CFAP20DC: variants seen among roughly 807,000 people sequenced by gnomAD.
CFAP20DC encodes protein CFAP20DC.
In CFAP20DC, 84 loss-of-function variants were observed where a neutral mutation model predicts 101.7. That is an observed-to-expected ratio of 0.83 (90% confidence interval 0.69 to 0.99). The LOEUF is 0.99. Ranked by LOEUF, CFAP20DC falls within the 50% of genes least tolerant of loss-of-function variation. The pLI, the probability that CFAP20DC is intolerant of heterozygous loss-of-function variation, is 0.00. For synonymous variants in CFAP20DC, 359 were observed against 351.2 expected (o/e 1.02, Z -0.25); for missense variants, 1,007 against 970.3 (o/e 1.04, Z -0.50).
chr3:58,967,596 T>G (rs2091659113), intron 4 of CFAP20DC, among the ~76,000 whole-genome samples: 1 of 152,208 alleles, frequency 6.6e-6, no homozygotes, highest in Non-Finnish European at 1.5e-5. Flanking sequence ...AGGAAATTTT[T>G]ACAAATCATA....
rs1015438442 is a variant in CFAP20DC, at chr3:58,888,184, T to C, written c.551-3475A>G. Reference sequence around the variant, plus strand: ...AAATAGAATAGACCCTACATAAACATTAAATAGCGCTTCATTGTGAGTTCA... The same window carrying C: ...AAATAGAATAGACCCTACATAAACACTAAATAGCGCTTCATTGTGAGTTCA... On this transcript the variant is annotated intron_variant, in intron 6 of 16. Coordinates refer to ENST00000482387, the MANE Select transcript of CFAP20DC (RefSeq NM_001394063.1). Among the ~76,000 whole-genome samples the C allele has an allele frequency of 3.9e-5, 6 of 152,174 alleles. No homozygotes were observed. The East Asian group carries it at 1.2e-3, about 29-fold the overall frequency.
At chr3:58,822,219 A>G (rs955221522) in intron 14 of CFAP20DC, among the ~76,000 whole-genome samples, 1 of 148,820 alleles carries the variant, frequency 6.7e-6, no homozygotes, top group South Asian at 2.2e-4. Flanking sequence ...TGGGTGCAGC[A>G]CATCAGCATG....
rs779716398 is a variant in CFAP20DC at position 58,831,708 on chromosome 3, G to A, written c.2153C>T (p.Thr718Ile). 1.9e-6 allele frequency: 3 copies of A among 1,613,978 alleles called. No individual in the cohort carries two copies. The highest frequency in any genetic ancestry group is 1.3e-5 in the African/African-American group (1 of 75,046). ...CACGGGTGGCAGGCAGGAGTTCCAG[G>A]TGGTTGTGTCGTCACTGCTGGTACT... ...SISTSSDDTT[T>I]WNSCLPPPVN... Residue 718 changes from threonine (T) to isoleucine (I), a missense_variant, in exon 14 of 17, where the codon ACC becomes ATC. Transcript: ENST00000482387.
At chr3:58,963,329 T>C (rs1390084010) in intron 4 of CFAP20DC, among the ~76,000 whole-genome samples, 1 of 151,970 alleles carries the variant, frequency 6.6e-6, no homozygotes, top group Non-Finnish European at 1.5e-5. Context: ...AGTTTTACTA[T>C]TGCTTTTTTG....
intron 3 of CFAP20DC, among the ~76,000 whole-genome samples, chr3:58,723,424 G>A (rs1031450095): frequency 2.6e-4 from 39 of 152,116 alleles, no homozygotes; most frequent in Admixed American, 6.5e-4. Context: ...TACTAGTTGC[G>A]CAACAGTAAG....
intron 4 of CFAP20DC, among the ~76,000 whole-genome samples, chr3:58,944,602 AC>A (rs989578855): frequency 1.8e-4 from 28 of 151,950 alleles, no homozygotes; most frequent in African/African-American, 5.6e-4. Flanking sequence ...ATACAGCAGT[AC>A]CAAGGATTCC....
chr3:58,815,845 A>C (rs1399532454), intron 14 of CFAP20DC, among the ~76,000 whole-genome samples: 2 of 150,834 alleles, frequency 1.3e-5, no homozygotes, highest in African/African-American at 2.5e-5. Context: ...GCAATCATTA[A>C]AAAGTCAGGA....
chr3:58,940,816 G>A lies in CFAP20DC; in HGVS notation c.279-3054C>T, dbSNP rs758773079. Among the ~76,000 whole-genome samples the A allele has an allele frequency of 3.5e-4, 54 of 152,174 alleles. 1 individual carries two copies. Among genetic ancestry groups the A allele is most frequent in the Non-Finnish European group, 6.9e-4 (47 of 68,032 alleles). ...TTATCATTTTCTATTAAAAAGAAGT[G>A]TTGAGAGTTTAACTTGGATTGTGTT... On this transcript the variant is annotated intron_variant, in intron 4 of 16. Coordinates refer to ENST00000482387, the MANE Select transcript of CFAP20DC (RefSeq NM_001394063.1).
chr3:58,729,722 T>C lies in CFAP20DC; in HGVS notation c.198-12094A>G, dbSNP rs891673539. Among the ~76,000 whole-genome samples, 1 of 152,084 alleles carries C rather than the reference T, an allele frequency of 6.6e-6. No individual in the cohort carries two copies. Among genetic ancestry groups the C allele is most frequent in the Non-Finnish European group, 1.5e-5 (1 of 67,990 alleles). On this transcript the variant is annotated intron_variant, in intron 3 of 3. Transcript: ENST00000486145. The surrounding 1 kb of genome is among the most constrained non-coding windows in gnomAD (Gnocchi z 4.4). ...TGGTCTATACCAAATTAGTCTGCTA[T>C]TATTGAAAGTTGAGGCTGGGATCGG...
chr3:58,726,247 T>C (rs1275379195), intron 3 of CFAP20DC: 1 of 152,202 alleles, frequency 6.6e-6, no homozygotes, highest in Non-Finnish European at 1.5e-5. Flanking sequence ...TGGAGTTTCT[T>C]CATAGATGGG....
downstream of CFAP20DC, among the ~76,000 whole-genome samples, chr3:58,740,100 G>T (rs1481249822): frequency 5.3e-5 from 8 of 152,134 alleles, no homozygotes; most frequent in Non-Finnish European, 1.2e-4. The surrounding 1 kb of genome is among the most constrained non-coding windows in gnomAD (Gnocchi z 4.6). Context: ...TTGGGTATGT[G>T]GGCACTGGAG....
chr3:58,970,953 T>TA (rs1255589962), intron 4 of CFAP20DC, among the ~76,000 whole-genome samples: 1 of 152,132 alleles, frequency 6.6e-6, no homozygotes, highest in Non-Finnish European at 1.5e-5. Context: ...GTTGCTTATT[T>TA]AAAAAATAAC....
chr3:58,889,519 C>T (rs1292911913), intron 6 of CFAP20DC, among the ~76,000 whole-genome samples: 1 of 149,394 alleles, frequency 6.7e-6, no homozygotes, highest in Non-Finnish European at 1.5e-5. Flanking sequence ...GCTCATTCGC[C>T]AATCTTTTTT....
chr3:59,041,186 T>C (rs1446219791), intron 3 of CFAP20DC, among the ~76,000 whole-genome samples: 1 of 152,092 alleles, frequency 6.6e-6, no homozygotes, highest in African/African-American at 2.4e-5. Context: ...AATCAGTCTT[T>C]AAAAAAGGTC....
chr3:58,943,786 G>A (rs905451889), intron 4 of CFAP20DC, among the ~76,000 whole-genome samples: 2 of 152,006 alleles, frequency 1.3e-5, no homozygotes, highest in South Asian at 4.1e-4. Context: ...TAAGCTAAAG[G>A]AGCATGTTTT....
Position 58,974,818 on chromosome 3 carries a change from G to A in CFAP20DC, c.279-37056C>T, listed in dbSNP as rs192748988. Among the ~76,000 whole-genome samples the A allele has an allele frequency of 2.6e-3, 394 of 152,170 alleles. 1 individual carries two copies. The highest frequency in any genetic ancestry group is 9.1e-3 in the African/African-American group (377 of 41,496). On this transcript the variant is annotated intron_variant, in intron 4 of 16. Coordinates refer to ENST00000482387, the MANE Select transcript of CFAP20DC (RefSeq NM_001394063.1). ...TTCTCTTGCCCAGCCCACTGCTACT[G>A]GGCCAGGTGAATATGTTATCCAGCC...
chr3:58,813,116 C>T (rs1288089863), intron 14 of CFAP20DC, among the ~76,000 whole-genome samples: 1 of 151,768 alleles, frequency 6.6e-6, no homozygotes, highest in Admixed American at 6.6e-5. Context: ...TCATTTTCCC[C>T]AAGTGTATAA....
intron 4 of CFAP20DC, among the ~76,000 whole-genome samples, chr3:58,981,244 G>A (rs1380613210): frequency 6.6e-6 from 1 of 152,128 alleles, no homozygotes; most frequent in Admixed American, 6.5e-5. Context: ...ATGCTCATGG[G>A]TAGGAAGAAT....
chr3:58,749,552 A>G (rs1378373801), intron 16 of CFAP20DC, among the ~76,000 whole-genome samples: 1 of 152,258 alleles, frequency 6.6e-6, no homozygotes, highest in Non-Finnish European at 1.5e-5. Flanking sequence ...GAGATTAATC[A>G]ACAACCATAT....
Sources: allele counts gnomAD v4.1 joint callset (sites outside exome capture counted in the v4.1 genomes callset), GRCh38; gene constraint gnomAD v4.1.1; non-coding constraint Gnocchi (gnomAD v3.1); transcripts MANE v1.5; gene names NCBI Gene and HGNC (gene_info 2026-07-23, HGNC 2026-07-21).